The following NXN variants were observed in gnomAD, a reference collection of about 807,000 sequenced individuals.
The protein encoded by NXN is nucleoredoxin.
NXN carries 16 observed loss-of-function variants against 48.6 expected under a neutral mutation model. The observed-to-expected ratio is 0.33, with a 90% CI of 0.22 to 0.50. NXN has a LOEUF of 0.50. Ranked by LOEUF, NXN falls within the 20% of genes least tolerant of loss-of-function variation. The probability of loss-of-function intolerance (pLI) is 0.98; values close to 1 mark genes in which losing one functional copy is unlikely to be tolerated. For synonymous variants in NXN, 281 were observed against 269.6 expected, an observed-to-expected ratio of 1.04 and a Z score of -0.41; for missense variants, 492 against 605.5, an observed-to-expected ratio of 0.81 and a Z score of 1.97.
chr17:967,377 C>T (rs534874247), intron 1 of NXN, among the ~76,000 whole-genome samples: 100 of 152,242 alleles, frequency 6.6e-4, no homozygotes, highest in South Asian at 3.1e-3. Flanking sequence ...ACAGGCGGGG[C>T]GGGGAGATGG....
Position 919,773 on chromosome 17 carries a change from C to T in NXN, c.360+59546G>A, listed in dbSNP as rs552096498. On this transcript the variant is annotated intron_variant, in intron 1 of 7. Transcript: ENST00000336868. This position sits in a 1 kb window ranked among gnomAD's most constrained non-coding sequence, Gnocchi z 5.1. ...AAATACAACTAGGGGCAGAGCGGTC[C>T]GGCACAAAACACCAGGAAACGCTCT... Among the ~76,000 whole-genome samples the T allele has an allele frequency of 9.6e-4, 146 of 152,220 alleles. 2 individuals are homozygous for T. The highest frequency in any genetic ancestry group is 3.2e-3 in the African/African-American group (131 of 41,520).
In NXN at chr17:819,557, C is replaced by T; in HGVS notation, c.714-12G>A. 6.4e-7 allele frequency: 1 copy of T among 1,570,374 alleles called. No homozygotes were observed. The highest frequency in any genetic ancestry group is 8.7e-7 in the Non-Finnish European group (1 of 1,152,228). ...AGGACTCCTCCGACCTACAGAGAGACACACGTGGCGGGCAAGGCTCAGTAT... is the reference window on the plus strand; with the variant it reads ...AGGACTCCTCCGACCTACAGAGAGATACACGTGGCGGGCAAGGCTCAGTAT... On this transcript the variant is annotated splice_polypyrimidine_tract_variant and intron_variant, in intron 4 of 7. Coordinates refer to ENST00000336868, the MANE Select transcript of NXN (RefSeq NM_022463.5).
At chr17:896,975 C>T in intron 1 of NXN, 1 of 1,181,308 alleles carries the variant, frequency 8.5e-7, no homozygotes, top group East Asian at 8.2e-5. Flanking sequence ...TGACGCCTCT[C>T]CTAGGAAAGT....
At chr17:967,183 A>G (rs890571380) in intron 1 of NXN, among the ~76,000 whole-genome samples, 1 of 152,102 alleles carries the variant, frequency 6.6e-6, no homozygotes, top group East Asian at 1.9e-4. Flanking sequence ...TGTGGACACA[A>G]CTCAGGCTTG....
chr17:935,545 C>T (rs1275316041), intron 1 of NXN, among the ~76,000 whole-genome samples: 2 of 152,140 alleles, frequency 1.3e-5, no homozygotes, highest in African/African-American at 4.8e-5. Context: ...GATGTGCTGG[C>T]GGCTGCAACA....
chr17:833,310 C>T (rs772119669), intron 1 of NXN, among the ~76,000 whole-genome samples: 11 of 152,160 alleles, frequency 7.2e-5, no homozygotes, highest in African/African-American at 1.9e-4. Context: ...GAAGGTTACT[C>T]GGCTCTGAAA....
intron 1 of NXN, among the ~76,000 whole-genome samples, chr17:977,793 G>A (rs1479745248): frequency 6.6e-6 from 1 of 152,082 alleles, no homozygotes; most frequent in Admixed American, 6.6e-5. Flanking sequence ...CCACCACCAA[G>A]GAAAACAAAG....
At chr17:872,272 GGAGA>G (rs2068163161) in intron 1 of NXN, among the ~76,000 whole-genome samples, 1 of 150,970 alleles carries the variant, frequency 6.6e-6, no homozygotes, top group Non-Finnish European at 1.5e-5. Context: ...TCAAAGACAA[GGAGA>G]GAGACAGAGG....
intron 1 of NXN, among the ~76,000 whole-genome samples, chr17:839,635 C>A (rs1597650025): frequency 6.7e-6 from 1 of 149,738 alleles, no homozygotes; most frequent in East Asian, 2.0e-4. Flanking sequence ...ATGGTGAAAT[C>A]TCATCTCTAA....
Position 849,033 on chromosome 17 carries a change from G to A in NXN, c.361-22955C>T, listed in dbSNP as rs574427918. Reference sequence around the variant, plus strand: ...GGGTCAGATCAAGACAAAGGTCTTCGCCTTCGAGAAAGGAAGGGAGCCTGT... The same window carrying A: ...GGGTCAGATCAAGACAAAGGTCTTCACCTTCGAGAAAGGAAGGGAGCCTGT... On this transcript the variant is annotated intron_variant, in intron 1 of 7. Transcript: ENST00000336868. This position sits in a 1 kb window ranked among gnomAD's most constrained non-coding sequence, Gnocchi z 4.2. 3.6e-4 allele frequency among the ~76,000 whole-genome samples: 55 copies of A among 152,270 alleles called. No homozygotes were observed. The South Asian group carries it at 7.5e-3, about 21-fold the overall frequency.
intron 1 of NXN, among the ~76,000 whole-genome samples, chr17:843,004 G>GAAAGAA (rs1567828989): frequency 1.8e-4 from 14 of 77,122 alleles, no homozygotes; most frequent in Non-Finnish European, 2.7e-5. Context: ...AAGAGAGAAA[G>GAAAGAA]AGAGAAAGAA....
At chr17:883,485 G>A (rs1178777564) in intron 1 of NXN, among the ~76,000 whole-genome samples, 2 of 152,134 alleles carry the variant, frequency 1.3e-5, no homozygotes, top group African/African-American at 4.8e-5. Context: ...TCACCTCCAT[G>A]ACCTCAGGCT....
chr17:853,702 C>CATATATATATATATATATATAGG (rs2067949860), intron 1 of NXN, among the ~76,000 whole-genome samples: 1 of 119,316 alleles, frequency 8.4e-6, no homozygotes, highest in African/African-American at 3.6e-5. Flanking sequence ...CTGTTATACA[C>CATATATATATATATATATATAGG]ATATATATAT....
At position 917,969 on chromosome 17, in the gene NXN, G is replaced by T. The variant is rs1400636885; in HGVS notation, c.360+61350C>A. On this transcript the variant is annotated intron_variant, in intron 1 of 7. Coordinates refer to ENST00000336868, the MANE Select transcript of NXN (RefSeq NM_022463.5). The surrounding 1 kb of genome is among the most constrained non-coding windows in gnomAD (Gnocchi z 4.5). Reference sequence around the variant, plus strand: ...ATGTTTACTGAGCTCGTACTTTATGGAAGACACATGGCTCACGGCAGGGCC... The same window carrying T: ...ATGTTTACTGAGCTCGTACTTTATGTAAGACACATGGCTCACGGCAGGGCC... Among the ~76,000 whole-genome samples, 2 of 152,202 alleles carry T rather than the reference G, an allele frequency of 1.3e-5. No homozygotes were observed.
rs988194935 is a variant in NXN, at chr17:886,790, A to T, written c.361-60712T>A. On this transcript the variant is annotated intron_variant, in intron 1 of 7. Coordinates refer to ENST00000336868, the MANE Select transcript of NXN (RefSeq NM_022463.5). ...GAGACTCTGTCTCAAAAAAAAAAAAAAAATAGAAATAATACCTCTTACTAC... is the reference window on the plus strand; with the variant it reads ...GAGACTCTGTCTCAAAAAAAAAAAATAAATAGAAATAATACCTCTTACTAC... 2.8e-4 allele frequency among the ~76,000 whole-genome samples: 43 copies of T among 152,206 alleles called. 1 individual carries two copies. Among genetic ancestry groups the T allele is most frequent in the African/African-American group, 9.9e-4 (41 of 41,544 alleles).
chr17:979,451 C>G lies in NXN; in HGVS notation c.228G>C (p.Ala76=). The G allele has an allele frequency of 8.1e-7, 1 of 1,229,842 alleles. No homozygotes were observed. The highest frequency in any genetic ancestry group is 1.0e-6 in the Non-Finnish European group (1 of 978,370). 76.2% of individuals were successfully genotyped at this position (1,229,842 alleles called of 1,614,324 possible). A position where few individuals can be genotyped will look rare whatever the true frequency, so the allele number is the denominator to read the frequency against. ...GCCGCCGCGGCTCGGGCTCCGCCGCCGCCCCGGCCCCCGCTCCCGGCCCCG... is the reference window on the plus strand; with the variant it reads ...GCCGCCGCGGCTCGGGCTCCGCCGCGGCCCCGGCCCCCGCTCCCGGCCCCG... ...AGPGPGAGAG[A]AAEPEPRRRL... Residue 76 remains alanine, a synonymous_variant, in exon 1 of 8, where the codon GCG becomes GCC. Coordinates refer to ENST00000336868, the MANE Select transcript of NXN (RefSeq NM_022463.5).
chr17:869,770 C>T (rs1437176474), intron 1 of NXN, among the ~76,000 whole-genome samples: 2 of 152,212 alleles, frequency 1.3e-5, no homozygotes, highest in East Asian at 1.9e-4. Context: ...TTCCTCTGCT[C>T]GTTCGTGTTC....
chr17:871,127 C>A (rs2467258), intron 1 of NXN, among the ~76,000 whole-genome samples: 135 of 152,108 alleles, frequency 8.9e-4, no homozygotes, highest in African/African-American at 3.0e-3. Flanking sequence ...TCCCAAAGTG[C>A]TGGGATTACA....
intron 1 of NXN, among the ~76,000 whole-genome samples, chr17:963,666 C>G (rs1365539225): frequency 2.6e-5 from 4 of 152,050 alleles, no homozygotes; most frequent in Non-Finnish European, 5.9e-5. Context: ...CGCAAAAAAC[C>G]ATTTAAGCAT....
Sources: gnomAD v4.1 joint callset for allele counts (sites outside exome capture counted in the v4.1 genomes callset) on GRCh38, gnomAD v4.1.1 for gene constraint, Gnocchi (gnomAD v3.1) non-coding constraint, MANE v1.5 for transcripts, NCBI Gene and HGNC (gene_info 2026-07-23, HGNC 2026-07-21) for gene names.